Variants in TNS1 observed in about 807,000 individuals in gnomAD.
TNS1 encodes the protein tensin 1, also known as tensin-1.
Under a neutral mutation model 168.6 loss-of-function variants are expected in TNS1, and 62 were observed. The observed-to-expected ratio is 0.37, with a 90% CI of 0.30 to 0.45. The LOEUF (loss-of-function observed/expected upper bound fraction) is 0.45, where lower values mean the gene tolerates loss of function less well. TNS1 is among the 20% of genes least tolerant of loss of function. The pLI, the probability that TNS1 is intolerant of heterozygous loss-of-function variation, is 1.00. For missense variants in TNS1, 2,240 were observed against 2,339.4 expected, an observed-to-expected ratio of 0.96 and a Z score of 0.88; for synonymous variants, 934 against 933.2, an observed-to-expected ratio of 1.00 and a Z score of -0.02.
At chr2:217,812,592 C>G in intron 27 of TNS1, 147 bp from the exon 28 acceptor site, 1 of 633,666 alleles carries the variant, frequency 1.6e-6, no homozygotes, top group Non-Finnish European at 2.8e-6. Flanking sequence ...AAATTCACAC[C>G]CTCTTGTTGA....
intron 4 of TNS1, among the ~76,000 whole-genome samples, chr2:217,912,139 A>C (rs1401459279): frequency 6.6e-6 from 1 of 152,166 alleles, no homozygotes; most frequent in Non-Finnish European, 1.5e-5. Context: ...TTTCTGCTGG[A>C]AGGTTGGGGG....
chr2:217,837,340 C>G (rs567730404), intron 19 of TNS1, among the ~76,000 whole-genome samples: 37 of 152,060 alleles, frequency 2.4e-4, no homozygotes, highest in African/African-American at 8.7e-4. Flanking sequence ...CCCAGCCACG[C>G]CCCCCAGCAC....
At chr2:217,983,703 C>T (rs1329230906) in intron 2 of TNS1, among the ~76,000 whole-genome samples, 2 of 152,194 alleles carry the variant, frequency 1.3e-5, no homozygotes, top group Non-Finnish European at 2.9e-5. Context: ...CCGGCGATAA[C>T]CACTCGCATG....
chr2:217,953,660 C>T (rs1042218500), intron 3 of TNS1, among the ~76,000 whole-genome samples: 2 of 152,152 alleles, frequency 1.3e-5, no homozygotes, highest in Admixed American at 1.3e-4. Flanking sequence ...AAAGAGCCCG[C>T]TCCCACCTCC....
chr2:217,978,636 A>C, intron 3 of TNS1, 129 bp downstream of exon 3: 1 of 377,082 alleles, frequency 2.7e-6, no homozygotes, highest in Non-Finnish European at 5.0e-6. Context: ...GGCGCTTTGC[A>C]TAAACAAAGA....
intron 3 of TNS1, among the ~76,000 whole-genome samples, chr2:217,941,724 C>T (rs73078402): frequency 0.039 from 5,927 of 152,228 alleles, 395 homozygotes; most frequent in African/African-American, 0.14. Flanking sequence ...CTTATTCGGC[C>T]TCTGTCTAAA....
intron 18 of TNS1, chr2:217,879,146 A>C: frequency 3.8e-6 from 1 of 261,110 alleles, no homozygotes; most frequent in Non-Finnish European, 7.6e-6. Context: ...AGCCAAATAC[A>C]TCCTAAGCCC....
intron 3 of TNS1, among the ~76,000 whole-genome samples, chr2:217,921,881 G>A (rs1339440215): frequency 6.6e-6 from 1 of 152,140 alleles, no homozygotes; most frequent in Non-Finnish European, 1.5e-5. Context: ...CCACAGTTGC[G>A]GTGCGCGGGG....
At chr2:218,001,689 C>T (rs1958566379) in intron 1 of TNS1, among the ~76,000 whole-genome samples, 1 of 152,134 alleles carries the variant, frequency 6.6e-6, no homozygotes, top group African/African-American at 2.4e-5. Context: ...ATCCCAGCAC[C>T]CCAGCCCAAC....
upstream of TNS1, among the ~76,000 whole-genome samples, chr2:218,004,193 A>G (rs1958627159): frequency 6.6e-6 from 1 of 152,232 alleles, no homozygotes; most frequent in African/African-American, 2.4e-5. Flanking sequence ...ACACACACAC[A>G]AGGACACAGT....
At chr2:217,899,141 C>A (rs1270734431) in intron 7 of TNS1, among the ~76,000 whole-genome samples, 1 of 152,186 alleles carries the variant, frequency 6.6e-6, no homozygotes, top group Non-Finnish European at 1.5e-5. Flanking sequence ...GGAATCCAGA[C>A]CTCCACCAGG....
At chr2:217,997,064 G>A (rs1468631302) in intron 1 of TNS1, among the ~76,000 whole-genome samples, 2 of 151,814 alleles carry the variant, frequency 1.3e-5, no homozygotes, top group Non-Finnish European at 2.9e-5. Context: ...TCCCCTCTTT[G>A]CTTGTCCAGC....
intron 3 of TNS1, among the ~76,000 whole-genome samples, chr2:217,924,981 C>T (rs1955938457): frequency 6.6e-6 from 1 of 152,166 alleles, no homozygotes. Context: ...ACACAATTAC[C>T]AACCACAGCA....
chr2:217,810,198 A>C, intron 29 of TNS1, 50 bp downstream of exon 29: 1 of 1,600,936 alleles, frequency 6.2e-7, no homozygotes, highest in African/African-American at 1.3e-5. Flanking sequence ...CAGGGCAGGA[A>C]GGCAGAAAGA....
At chr2:217,893,602 G>T in intron 9 of TNS1, 41 bp from the exon 10 acceptor site, 1 of 1,566,588 alleles carries the variant, frequency 6.4e-7, no homozygotes, top group Middle Eastern at 2.3e-4. Context: ...CAGAAGCCCT[G>T]CAGAGCCAAA....
intron 32 of TNS1, among the ~76,000 whole-genome samples, chr2:217,805,508 C>T (rs1938512599): frequency 3.5e-5 from 2 of 56,354 alleles, no homozygotes; most frequent in Admixed American, 2.5e-4. Flanking sequence ...CACACACCAC[C>T]ACACACACCA....
chr2:217,808,454 C>A (rs369136216), intron 31 of TNS1, 149 bp downstream of exon 31: 10 of 817,524 alleles, frequency 1.2e-5, no homozygotes, highest in Non-Finnish European at 2.0e-5. Context: ...ATGCCCAACA[C>A]GATTACTCAC....
chr2:217,812,960 A>AT (rs1487328617), intron 27 of TNS1, among the ~76,000 whole-genome samples: 1 of 152,202 alleles, frequency 6.6e-6, no homozygotes, highest in African/African-American at 2.4e-5. Flanking sequence ...AAGGCAGCTG[A>AT]TTTTACCATT....
chr2:217,932,919 G>A (rs1277576648), intron 3 of TNS1, among the ~76,000 whole-genome samples: 2 of 152,200 alleles, frequency 1.3e-5, no homozygotes, highest in African/African-American at 4.8e-5. Flanking sequence ...GGGGACTGGT[G>A]TTCTGGAACC....
Sources: allele counts gnomAD v4.1 joint callset (sites outside exome capture counted in the v4.1 genomes callset), GRCh38; gene constraint gnomAD v4.1.1; transcripts MANE v1.5; gene names NCBI Gene and HGNC (gene_info 2026-07-23, HGNC 2026-07-21).